Variants in CDKAL1 observed in about 807,000 individuals in gnomAD.
CDKAL1 encodes threonylcarbamoyladenosine tRNA methylthiotransferase.
CDKAL1 carries 32 observed loss-of-function variants against 68.2 expected under a neutral mutation model. That is an observed-to-expected ratio of 0.47 (90% confidence interval 0.35 to 0.63). The LOEUF (loss-of-function observed/expected upper bound fraction) is 0.63. CDKAL1 is among the 30% of genes least tolerant of loss of function. The probability of loss-of-function intolerance (pLI) is 0.00; values close to 1 mark genes in which losing one functional copy is unlikely to be tolerated. For synonymous variants in CDKAL1, 234 were observed against 244.3 expected (o/e 0.96, Z 0.39); for missense variants, 606 against 696.7 (o/e 0.87, Z 1.47).
At chr6:20,855,623 A>G (rs976174808) in intron 9 of CDKAL1, among the ~76,000 whole-genome samples, 4 of 152,134 alleles carry the variant, frequency 2.6e-5, no homozygotes, top group African/African-American at 9.7e-5. Flanking sequence ...TATAGAGGCT[A>G]ATACCTTAGG....
intron 15 of CDKAL1, among the ~76,000 whole-genome samples, chr6:21,202,422 GA>G (rs1778728672): frequency 1.3e-5 from 2 of 152,156 alleles, no homozygotes; most frequent in African/African-American, 4.8e-5. Context: ...GTACTTGGGG[GA>G]TAGTATGGGT....
At chr6:21,084,310 G>A (rs186465072) in intron 12 of CDKAL1, among the ~76,000 whole-genome samples, 22 of 152,184 alleles carry the variant, frequency 1.4e-4, no homozygotes, top group East Asian at 1.9e-4. Flanking sequence ...ATACAGTGAC[G>A]GAGGAGCAAC....
chr6:21,063,007 C>G (rs551212195), intron 11 of CDKAL1, among the ~76,000 whole-genome samples: 22 of 152,160 alleles, frequency 1.4e-4, no homozygotes, highest in African/African-American at 5.1e-4. Context: ...CTCCACCTCC[C>G]GGGTTCAAGC....
At chr6:20,794,102 T>C (rs1776014916) in intron 8 of CDKAL1, among the ~76,000 whole-genome samples, 1 of 151,882 alleles carries the variant, frequency 6.6e-6, no homozygotes, top group African/African-American at 2.4e-5. Flanking sequence ...TGTTCCCTTA[T>C]CTTGTAGTTT....
At chr6:20,589,353 T>C (rs549636342) in intron 4 of CDKAL1, among the ~76,000 whole-genome samples, 25 of 152,360 alleles carry the variant, frequency 1.6e-4, no homozygotes, top group Admixed American at 4.6e-4. Context: ...TATTTGACAT[T>C]ACACACACAT....
chr6:20,719,925 C>G (rs1005353862), intron 5 of CDKAL1, among the ~76,000 whole-genome samples: 6 of 152,276 alleles, frequency 3.9e-5, no homozygotes, highest in East Asian at 3.9e-4. Context: ...TTTTAAAAAG[C>G]CTGGTACGTA....
intron 9 of CDKAL1, among the ~76,000 whole-genome samples, chr6:20,875,825 G>T (rs1293708066): frequency 6.6e-6 from 1 of 151,948 alleles, no homozygotes; most frequent in Non-Finnish European, 1.5e-5. Context: ...AAACATTTTG[G>T]TATGATTTAG....
chr6:20,995,068 T>C (rs137989751), intron 10 of CDKAL1, among the ~76,000 whole-genome samples: 93 of 152,324 alleles, frequency 6.1e-4, no homozygotes, highest in African/African-American at 2.1e-3. Context: ...TGCTCATCCA[T>C]AAGAAACAAC....
intron 11 of CDKAL1, among the ~76,000 whole-genome samples, chr6:21,036,859 A>G (rs779944198): frequency 6.6e-6 from 1 of 152,214 alleles, no homozygotes; most frequent in Non-Finnish European, 1.5e-5. Context: ...AAGGAAAAAT[A>G]CAAAATCATT....
chr6:21,187,805 C>A (rs1380968074), intron 13 of CDKAL1, among the ~76,000 whole-genome samples: 1 of 152,130 alleles, frequency 6.6e-6, no homozygotes, highest in East Asian at 1.9e-4. Flanking sequence ...AACAAAACTT[C>A]TACAAGCACC....
chr6:21,044,633 TTAA>T (rs2150901123), intron 11 of CDKAL1, among the ~76,000 whole-genome samples: 1 of 152,356 alleles, frequency 6.6e-6, no homozygotes, highest in East Asian at 1.9e-4. Context: ...GTATTTATAG[TTAA>T]TAAATTATTC....
chr6:20,922,818 A>G (rs548144037), intron 9 of CDKAL1, among the ~76,000 whole-genome samples: 54 of 152,350 alleles, frequency 3.5e-4, no homozygotes, highest in African/African-American at 1.2e-3. Context: ...TAATACACAG[A>G]AATTTCCATA....
At chr6:20,653,759 C>A (rs534360995) in intron 5 of CDKAL1, among the ~76,000 whole-genome samples, 1 of 152,030 alleles carries the variant, frequency 6.6e-6, no homozygotes, top group African/African-American at 2.4e-5. Flanking sequence ...GGATTACAGG[C>A]GTGCACCACC....
chr6:21,036,169 A>G (rs763008796), intron 11 of CDKAL1, among the ~76,000 whole-genome samples: 2 of 152,178 alleles, frequency 1.3e-5, no homozygotes, highest in East Asian at 1.9e-4. Flanking sequence ...GGATTTAAAC[A>G]TTAGTTGTTG....
intron 13 of CDKAL1, among the ~76,000 whole-genome samples, chr6:21,176,688 T>G (rs1447910817): frequency 1.5e-5 from 2 of 134,560 alleles, no homozygotes; most frequent in African/African-American, 5.8e-5. Flanking sequence ...GTTGGTTTTT[T>G]TTTTTTTGTT....
At chr6:21,097,589 TTTC>T (rs545460600) in intron 12 of CDKAL1, among the ~76,000 whole-genome samples, 2 of 152,360 alleles carry the variant, frequency 1.3e-5, no homozygotes, top group Non-Finnish European at 2.9e-5. Context: ...TTTATTTACT[TTTC>T]TTAAGGTAAG....
intron 8 of CDKAL1, among the ~76,000 whole-genome samples, chr6:20,826,385 T>C (rs933101754): frequency 1.3e-5 from 2 of 152,216 alleles, no homozygotes; most frequent in Non-Finnish European, 2.9e-5. Flanking sequence ...GCTTTTCTTG[T>C]GAAAGTTGCT....
At chr6:21,050,807 T>A (rs1770501173) in intron 11 of CDKAL1, among the ~76,000 whole-genome samples, 1 of 152,216 alleles carries the variant, frequency 6.6e-6, no homozygotes, top group Non-Finnish European at 1.5e-5. Flanking sequence ...GGCTTTAAAC[T>A]GTCTTCCAGC....
intron 4 of CDKAL1, among the ~76,000 whole-genome samples, chr6:20,583,794 A>C (rs184256867): frequency 7.6e-4 from 92 of 121,518 alleles, no homozygotes; most frequent in African/African-American, 2.6e-3. Context: ...GCCCCCCCCC[A>C]CTAGTTTCAG....
Sources: gnomAD v4.1 joint callset for allele counts (sites outside exome capture counted in the v4.1 genomes callset) on GRCh38, gnomAD v4.1.1 for gene constraint, MANE v1.5 for transcripts, NCBI Gene and HGNC (gene_info 2026-07-23, HGNC 2026-07-21) for gene names.